The following ZNF2 variants were observed in gnomAD, a reference collection of about 807,000 sequenced individuals.
The protein encoded by ZNF2 is zinc finger protein 2.
ZNF2 carries 12 observed loss-of-function variants against 21.9 expected under a neutral mutation model. The observed-to-expected ratio is 0.55, with a 90% CI of 0.35 to 0.89. ZNF2 has a LOEUF of 0.89. Ranked by LOEUF, ZNF2 falls within the 40% of genes least tolerant of loss-of-function variation. The pLI is 0.01. For synonymous variants in ZNF2, 186 were observed against 196.3 expected (o/e 0.95, Z 0.44); for missense variants, 462 against 544.2 (o/e 0.85, Z 1.50).
At position 95,181,649 on chromosome 2, in the gene ZNF2, G is replaced by A. The variant is rs377134231; in HGVS notation, c.821G>A (p.Arg274Gln). Residue 274 changes from arginine to glutamine, a missense_variant, in exon 5 of 5, where the codon CGA becomes CAA. By Grantham distance (43) the Arg-to-Gln change is conservative. Transcript: ENST00000614034. ...KAFFDRSSLTRHQRIHTGESP... is the reference protein window; with the variant it reads ...KAFFDRSSLTQHQRIHTGESP... Reference sequence around the variant, plus strand: ...TTTTTTGACCGTTCATCCCTTACTCGACACCAGAGAATTCACACTGGAGAA... The same window carrying A: ...TTTTTTGACCGTTCATCCCTTACTCAACACCAGAGAATTCACACTGGAGAA... 20 of 1,613,930 alleles carry A rather than the reference G, an allele frequency of 1.2e-5. No individual in the cohort carries two copies. Among genetic ancestry groups the A allele is most frequent in the African/African-American group, 2.7e-5 (2 of 74,862 alleles).
At position 95,181,283 on chromosome 2, in the gene ZNF2, G is replaced by T. The variant is rs182498837; in HGVS notation, c.455G>T (p.Arg152Leu). 6.2e-7 allele frequency: 1 copy of T among 1,614,178 alleles called. No individual in the cohort carries two copies. Among genetic ancestry groups the T allele is most frequent in the Middle Eastern group, 1.6e-4 (1 of 6,062 alleles). ...GAGACTCGTAAGAAATCCCTCTCCC[G>T]GGACAAAGGCTTGCGGCGACGGTCA... ...SGETRKKSLS[R>L]DKGLRRRSAL... Residue 152 changes from arginine (R) to leucine (L), a missense_variant, in exon 5 of 5, where the codon CGG (arginine) becomes CTG (leucine). Transcript: ENST00000614034.
At position 95,181,449 on chromosome 2, in the gene ZNF2, G is replaced by A. The variant is rs772564108; in HGVS notation, c.621G>A (p.Gly207=). The change falls in exon 5 of 5, where the codon GGG becomes GGA. Residue 207 remains glycine (G), a synonymous_variant. Coordinates refer to ENST00000614034, the MANE Select transcript of ZNF2 (RefSeq NM_021088.4). ...GEKPYDCREC[G]KAFSHRSSLS... ...AGCCCTACGACTGCCGCGAGTGTGG[G>A]AAAGCCTTCAGCCACAGGAGCAGCC... 3 of 1,614,156 alleles carry A rather than the reference G, an allele frequency of 1.9e-6. No homozygotes were observed. The highest frequency in any genetic ancestry group is 2.5e-6 in the Non-Finnish European group (3 of 1,180,014).
Position 95,182,066 on chromosome 2 carries a change from T to C in ZNF2, c.1238T>C (p.Ile413Thr), listed in dbSNP as rs1327526428. 7 of 1,611,968 alleles carry C rather than the reference T, an allele frequency of 4.3e-6. No homozygotes were observed. The highest frequency in any genetic ancestry group is 1.1e-5 in the South Asian group (1 of 90,994). The change falls in exon 5 of 5, where the codon ATT (isoleucine) becomes ACT (threonine). Residue 413 changes from isoleucine to threonine, a missense_variant. Transcript: ENST00000614034. ...GTTTTCAGTTCAAAATCTTCTGTTA[T>C]TCAACATCAACGGCGTTACGCCAAA... ...GKVFSSKSSV[I>T]QHQRRYAKQG...
chr2:95,177,893 AG>A (rs890038993), intron 3 of ZNF2, among the ~76,000 whole-genome samples: 89 of 152,308 alleles, frequency 5.8e-4, no homozygotes, highest in African/African-American at 2.0e-3. Context: ...GCGAGGGCTG[AG>A]GGACAGAGCG....
At position 95,181,803 on chromosome 2, in the gene ZNF2, C is replaced by G; in HGVS notation, c.975C>G (p.Val325=). The G allele has an allele frequency of 6.2e-7, 1 of 1,614,214 alleles. No individual in the cohort carries two copies. The highest frequency in any genetic ancestry group is 8.5e-7 in the Non-Finnish European group (1 of 1,180,044). ...CNECGKAFYG[V]SSLNRHQKAH... is the part of the protein sequence containing the mutation. ...AGTGCGGGAAAGCTTTCTATGGTGT[C>G]TCGTCTCTGAATAGACATCAGAAAG... The change falls in exon 5 of 5, where the codon GTC becomes GTG. Residue 325 remains valine, a synonymous_variant. Transcript: ENST00000614034.
Position 95,182,808 on chromosome 2 carries a change from T to G in ZNF2, c.*702T>G, listed in dbSNP as rs1421160767. The G allele has an allele frequency of 6.6e-6, 1 of 152,560 alleles. No individual in the cohort carries two copies. The highest frequency in any genetic ancestry group is 1.5e-5 in the Non-Finnish European group (1 of 68,050). 9.5% of individuals were successfully genotyped at this position (152,560 alleles called of 1,614,324 possible). A position where few individuals can be genotyped will look rare whatever the true frequency, so the allele number is the denominator to read the frequency against. On this transcript the variant is annotated 3_prime_UTR_variant, in exon 5 of 5. Transcript: ENST00000614034. ...AAGACAGGTCCACCTTCAAAATCTATTCTCTTTACCATTATGCTCGATGGT... is the reference window on the plus strand; with the variant it reads ...AAGACAGGTCCACCTTCAAAATCTAGTCTCTTTACCATTATGCTCGATGGT...
chr2:95,167,777 G>A (rs1456619665), intron 1 of ZNF2, among the ~76,000 whole-genome samples: 1 of 151,604 alleles, frequency 6.6e-6, no homozygotes, highest in Non-Finnish European at 1.5e-5. Context: ...AGCCCGAGAG[G>A]TGGAGGTTGC....
chr2:95,179,394 T>G (rs958925563), intron 3 of ZNF2, among the ~76,000 whole-genome samples: 16 of 152,244 alleles, frequency 1.1e-4, no homozygotes, highest in Admixed American at 1.0e-3. Flanking sequence ...TCTTTTTGCT[T>G]GTATACACTT....
chr2:95,178,649 A>G (rs1674531471), intron 3 of ZNF2, among the ~76,000 whole-genome samples: 1 of 152,170 alleles, frequency 6.6e-6, no homozygotes, highest in South Asian at 2.1e-4. Context: ...TTTAGAGCCC[A>G]AGCCTATTTC....
At chr2:95,177,446 G>A (rs548361284) in intron 2 of ZNF2, 37 bp from the exon 3 acceptor site, 2 of 1,604,576 alleles carry the variant, frequency 1.2e-6, no homozygotes, top group African/African-American at 2.7e-5. Context: ...GTAAAGAGAA[G>A]GATTAAGAGT....
chr2:95,179,255 G>T (rs1367257734), intron 3 of ZNF2, among the ~76,000 whole-genome samples: 1 of 152,154 alleles, frequency 6.6e-6, no homozygotes, highest in African/African-American at 2.4e-5. Flanking sequence ...GCCTCCCAAA[G>T]TGCTGGGATT....
rs1573405306 is a variant in ZNF2 at position 95,181,648 on chromosome 2, C to G, written c.820C>G (p.Arg274Gly). ...CTTTTTTGACCGTTCATCCCTTACTCGACACCAGAGAATTCACACTGGAGA... is the reference window on the plus strand; with the variant it reads ...CTTTTTTGACCGTTCATCCCTTACTGGACACCAGAGAATTCACACTGGAGA... ...KAFFDRSSLTRHQRIHTGESP... is the reference protein window; with the variant it reads ...KAFFDRSSLTGHQRIHTGESP... The change falls in exon 5 of 5, where the codon CGA becomes GGA. Residue 274 changes from arginine (R) to glycine (G), a missense_variant. Transcript: ENST00000614034. 6.2e-7 allele frequency: 1 copy of G among 1,614,194 alleles called. No homozygotes were observed. Among genetic ancestry groups the G allele is most frequent in the Non-Finnish European group, 8.5e-7 (1 of 1,180,036 alleles).
chr2:95,176,405 G>T, intron 2 of ZNF2, 146 bp downstream of exon 2: 2 of 980,326 alleles, frequency 2.0e-6, no homozygotes, highest in East Asian at 2.5e-5. Flanking sequence ...TATTTGACTT[G>T]AGGTATCCTT....
chr2:95,180,075 T>A, intron 3 of ZNF2, 84 bp from the exon 4 acceptor site: 1 of 971,512 alleles, frequency 1.0e-6, no homozygotes. Context: ...CAAAAAAATC[T>A]TAGAGGCTGG....
intron 3 of ZNF2, among the ~76,000 whole-genome samples, chr2:95,179,791 T>A (rs1262668838): frequency 6.6e-6 from 1 of 152,236 alleles, no homozygotes; most frequent in African/African-American, 2.4e-5. Context: ...GCTCAGTGGC[T>A]CATGCCTGTA....
In ZNF2 at chr2:95,177,618, A is replaced by ACC. The variant is rs1255889126; in HGVS notation, c.160+9_160+10insCC. On this transcript the variant is annotated intron_variant, in intron 3 of 4. Coordinates refer to ENST00000614034, the MANE Select transcript of ZNF2 (RefSeq NM_021088.4). ...CAGCATTGTGTCATTGGGTAAGGGG[A>ACC]GCCTCCATGAGGAGGTACAGTCTGT... 1 of 1,612,826 alleles carries ACC rather than the reference A, an allele frequency of 6.2e-7. No homozygotes were observed. The highest frequency in any genetic ancestry group is 8.5e-7 in the Non-Finnish European group (1 of 1,179,374).
intron 1 of ZNF2, among the ~76,000 whole-genome samples, chr2:95,167,071 C>T (rs141549282): frequency 2.7e-3 from 418 of 152,182 alleles, no homozygotes; most frequent in African/African-American, 9.3e-3. Flanking sequence ...TCCATGTTTC[C>T]AGGGCAAAAG....
intron 2 of ZNF2, among the ~76,000 whole-genome samples, 154 bp downstream of exon 2, chr2:95,176,413 C>G (rs1237158224): frequency 6.6e-6 from 1 of 152,208 alleles, no homozygotes; most frequent in Non-Finnish European, 1.5e-5. Flanking sequence ...TTGAGGTATC[C>G]TTTAGTGACC....
rs1216556409 is a variant in ZNF2 at position 95,181,904 on chromosome 2, A to G, written c.1076A>G (p.His359Arg). The change falls in exon 5 of 5, where the codon CAT (histidine) becomes CGT (arginine). Residue 359 changes from histidine (H) to arginine (R), a missense_variant. Physicochemically the swap from His to Arg is conservative, Grantham distance 29. Coordinates refer to ENST00000614034, the MANE Select transcript of ZNF2 (RefSeq NM_021088.4). ...TTTGACCGCTCATCCCTTACACAGC[A>G]TCAGAAGATCCACACTGGAGACAAG... ...AFFDRSSLTQ[H>R]QKIHTGDKPY... is the part of the protein sequence containing the mutation. 2 of 1,614,132 alleles carry G rather than the reference A, an allele frequency of 1.2e-6. No homozygotes were observed. The highest frequency in any genetic ancestry group is 1.1e-5 in the South Asian group (1 of 91,082).
Sources: allele counts gnomAD v4.1 joint callset (sites outside exome capture counted in the v4.1 genomes callset), GRCh38; gene constraint gnomAD v4.1.1; transcripts MANE v1.5; gene names NCBI Gene and HGNC (gene_info 2026-07-23, HGNC 2026-07-21).